KRT1: variants seen among roughly 807,000 people sequenced by gnomAD.
KRT1 encodes keratin, type II cytoskeletal 1.
In KRT1, 28 loss-of-function variants were observed where a neutral mutation model predicts 51.6. That is an observed-to-expected ratio of 0.54 (90% CI 0.40 to 0.74). The LOEUF is 0.74. KRT1 is among the 30% of genes least tolerant of loss of function. The pLI, the probability that KRT1 is intolerant of heterozygous loss-of-function variation, is 0.00. For missense variants in KRT1, 783 were observed against 815.5 expected (o/e 0.96, Z 0.49); for synonymous variants, 301 against 307.7 (o/e 0.98, Z 0.23).
chr12:52,678,227 C>T lies in KRT1; in HGVS notation c.807-4G>A, dbSNP rs1282851327. On this transcript the variant is annotated splice_region_variant and splice_polypyrimidine_tract_variant and intron_variant, in intron 2 of 8. Transcript: ENST00000252244. ...CTTGTTGATTTCATCCTCATACCTGCAGGAAAGCAGAAACAATTAGGAGAT... is the reference window on the plus strand; with the variant it reads ...CTTGTTGATTTCATCCTCATACCTGTAGGAAAGCAGAAACAATTAGGAGAT... 6.2e-7 allele frequency: 1 copy of T among 1,613,958 alleles called. No homozygotes were observed. Among genetic ancestry groups the T allele is most frequent in the African/African-American group, 1.3e-5 (1 of 75,028 alleles).
Position 52,678,175 on chromosome 12 carries a change from C to A in KRT1, c.855G>T (p.Val285=). Residue 285 remains valine (V), a synonymous_variant, in exon 3 of 9, where the codon GTG becomes GTT. Transcript: ENST00000252244. ...AGAATTTGCTTACCTTCTTGATGGTCACAAATTCATTCTCTGCATTTGTCC... is the reference window on the plus strand; with the variant it reads ...AGAATTTGCTTACCTTCTTGATGGTAACAAATTCATTCTCTGCATTTGTCC... ...NKRTNAENEF[V]TIKKDVDGAY... 6.2e-7 allele frequency: 1 copy of A among 1,614,104 alleles called. No individual in the cohort carries two copies. Among genetic ancestry groups the A allele is most frequent in the South Asian group, 1.1e-5 (1 of 91,056 alleles).
rs1285894552 is a variant in KRT1, at chr12:52,680,302, C to A, written c.47G>T (p.Gly16Val). 5.4e-5 allele frequency: 87 copies of A among 1,614,174 alleles called. No homozygotes were observed. Among genetic ancestry groups the A allele is most frequent in the Non-Finnish European group, 7.3e-5 (86 of 1,180,016 alleles). Residue 16 changes from glycine to valine, a missense_variant, in exon 1 of 9, where the codon GGC becomes GTC. Physicochemically the swap from Gly to Val is moderately radical, Grantham distance 109 (BLOSUM62 -3). Transcript: ENST00000252244. ...SSRSGYRSGGGFSSGSAGIIN... is the reference protein window; with the variant it reads ...SSRSGYRSGGVFSSGSAGIIN... ...GATCCCAGCAGAGCCAGAGCTGAAG[C>A]CCCCTCCACTTCGGTACCCAGACCT...
In KRT1 at chr12:52,679,759, T is replaced by C; in HGVS notation, c.590A>G (p.Lys197Arg). The change falls in exon 1 of 9, where the codon AAG becomes AGG. Residue 197 changes from lysine (K) to arginine (R), a missense_variant and splice_region_variant. Coordinates refer to ENST00000252244, the MANE Select transcript of KRT1 (RefSeq NM_006121.4). ...LNNQFASFID[K>R]VRFLEQQNQV... is the part of the protein sequence containing the mutation. ...CAGTGCAATGAGAGAGAAACTCACC[T>C]TGTCAATGAAGGAGGCAAATTGGTT... is the stretch of plus-strand genomic sequence containing the variant. The C allele has an allele frequency of 6.2e-7, 1 of 1,613,994 alleles. No homozygotes were observed. Among genetic ancestry groups the C allele is most frequent in the Non-Finnish European group, 8.5e-7 (1 of 1,179,852 alleles).
intron 7 of KRT1, 150 bp from the exon 8 acceptor site, chr12:52,675,894 C>T (rs1345800916): frequency 5.5e-6 from 5 of 916,138 alleles, no homozygotes; most frequent in African/African-American, 3.3e-5. Context: ...TCTGGCCTCC[C>T]AGACCTGTCA....
chr12:52,680,062 C>G lies in KRT1; in HGVS notation c.287G>C (p.Gly96Ala). The change falls in exon 1 of 9, where the codon GGT becomes GCT. Residue 96 changes from glycine (G) to alanine (A), a missense_variant. Physicochemically the swap from Gly to Ala is moderately conservative, Grantham distance 60. Transcript: ENST00000252244. ...RGSGFGGGYG[G>A]GGFGGGGFGG... ...AAAGCCACCACCACCAAAGCCACCA[C>G]CACCATAACCACCACCAAAGCCACT... 6.4e-7 allele frequency: 1 copy of G among 1,555,020 alleles called. No individual in the cohort carries two copies. The highest frequency in any genetic ancestry group is 8.7e-7 in the Non-Finnish European group (1 of 1,148,944).
intron 8 of KRT1, 25 bp downstream of exon 8, chr12:52,675,685 C>A (rs759961972): frequency 2.0e-5 from 33 of 1,614,108 alleles, no homozygotes; most frequent in Non-Finnish European, 2.6e-5. Context: ...CTGCACATGC[C>A]CCTGAGAAAT....
In KRT1 at chr12:52,678,689, G is replaced by T. The variant is rs952884616; in HGVS notation, c.659C>A (p.Thr220Asn). 2 of 1,614,210 alleles carry T rather than the reference G, an allele frequency of 1.2e-6. No individual in the cohort carries two copies. Among genetic ancestry groups the T allele is most frequent in the Non-Finnish European group, 1.7e-6 (2 of 1,180,038 alleles). ...TKWELLQQVDTSTRTHNLEPY... is the reference protein window; with the variant it reads ...TKWELLQQVDNSTRTHNLEPY... ...CTCTAAATTATGGGTTCTAGTGGAG[G>T]TATCTACCTGCTGCAGCAGCTCCCA... Residue 220 changes from threonine (T) to asparagine (N), a missense_variant, in exon 2 of 9, where the codon ACC (threonine) becomes AAC (asparagine). Physicochemically the swap from Thr to Asn is moderately conservative, Grantham distance 65. Coordinates refer to ENST00000252244, the MANE Select transcript of KRT1 (RefSeq NM_006121.4).
In KRT1 at chr12:52,677,146, A is replaced by C; in HGVS notation, c.1167T>G (p.Asp389Glu). 6.2e-7 allele frequency: 1 copy of C among 1,614,176 alleles called. No homozygotes were observed. Among genetic ancestry groups the C allele is most frequent in the African/African-American group, 1.3e-5 (1 of 75,052 alleles). Residue 389 changes from aspartate to glutamate, a missense_variant, in exon 6 of 9, where the codon GAT becomes GAG. Physicochemically the swap from Asp to Glu is conservative, Grantham distance 45. Coordinates refer to ENST00000252244, the MANE Select transcript of KRT1 (RefSeq NM_006121.4). ...TTTCTATCTTTGAATTTCTCACACT[A>C]TCCCCATGTCTGCCAGCAGTGATCT... ...ELQITAGRHG[D>E]SVRNSKIEIS...
intron 6 of KRT1, 49 bp from the exon 7 acceptor site, chr12:52,676,544 C>G (rs1162985634): frequency 6.3e-7 from 1 of 1,583,326 alleles, no homozygotes; most frequent in East Asian, 2.2e-5. Flanking sequence ...CCCACTAGGC[C>G]TCCTCATCCC....
intron 6 of KRT1, 41 bp from the exon 7 acceptor site, chr12:52,676,536 C>T (rs762826607): frequency 1.3e-6 from 2 of 1,596,450 alleles, no homozygotes; most frequent in Admixed American, 3.4e-5. Context: ...ATGCATTCCC[C>T]ACTAGGCCTC....
intron 3 of KRT1, 117 bp from the exon 4 acceptor site, chr12:52,677,862 T>G (rs1249988091): frequency 1.1e-6 from 1 of 890,408 alleles, no homozygotes; most frequent in African/African-American, 1.6e-5. Flanking sequence ...CACTCCTTTT[T>G]GCCCCAGGTA....
Position 52,675,315 on chromosome 12 carries a change from C to A in KRT1, c.1813G>T (p.Gly605Cys). 6.2e-7 allele frequency: 1 copy of A among 1,612,542 alleles called. No individual in the cohort carries two copies. The highest frequency in any genetic ancestry group is 8.5e-7 in the Non-Finnish European group (1 of 1,179,774). Residue 605 changes from glycine (G) to cysteine (C), a missense_variant, in exon 9 of 9, where the codon GGC becomes TGC. Gly to Cys is a radical substitution (Grantham distance 159). Transcript: ENST00000252244. Reference sequence around the variant, plus strand: ...ATGGAGCCTCCAGAGCTCCCGCCGCCAGAGCCCCGGCCGCCAGAGCTGCCG... The same window carrying A: ...ATGGAGCCTCCAGAGCTCCCGCCGCAAGAGCCCCGGCCGCCAGAGCTGCCG... ...GGGSSGGRGS[G>C]GGSSGGSIGG...
rs746754557 is a variant in KRT1, at chr12:52,675,479, C to T, written c.1649G>A (p.Gly550Asp). The change falls in exon 9 of 9, where the codon GGC becomes GAC. Residue 550 changes from glycine to aspartate, a missense_variant. Transcript: ENST00000252244. Reference sequence around the variant, plus strand: ...GCTGCTACCTCCGGAGCCATAGCTGCCACGGCCGCCGCCGCCGCCACCTCC... The same window carrying T: ...GCTGCTACCTCCGGAGCCATAGCTGTCACGGCCGCCGCCGCCGCCACCTCC... ...GSGGGGGGGR[G>D]SYGSGGSSYG... 8 of 1,475,982 alleles carry T rather than the reference C, an allele frequency of 5.4e-6. No homozygotes were observed. Among genetic ancestry groups the T allele is most frequent in the Non-Finnish European group, 7.4e-6 (8 of 1,084,416 alleles). The allele number at this position is 1,475,982 out of a possible 1,614,324, so 91.4% of individuals were successfully genotyped here. A position where few individuals can be genotyped will look rare whatever the true frequency, so the allele number is the denominator to read the frequency against.
rs748112160 is a variant in KRT1, at chr12:52,675,468, A to G, written c.1660T>C (p.Ser554Pro). 2.0e-5 allele frequency: 25 copies of G among 1,270,648 alleles called. No individual in the cohort carries two copies. The highest frequency in any genetic ancestry group is 2.6e-5 in the Non-Finnish European group (24 of 938,140). The allele number at this position is 1,270,648 out of a possible 1,614,324, so 78.7% of individuals were successfully genotyped here. A position where few individuals can be genotyped will look rare whatever the true frequency, so the allele number is the denominator to read the frequency against. ...GGGGGRGSYGSGGSSYGSGGG... is the reference protein window; with the variant it reads ...GGGGGRGSYGPGGSSYGSGGG... ...CCGGAGCCGTAGCTGCTACCTCCGGAGCCATAGCTGCCACGGCCGCCGCCG... is the reference window on the plus strand; with the variant it reads ...CCGGAGCCGTAGCTGCTACCTCCGGGGCCATAGCTGCCACGGCCGCCGCCG... Residue 554 changes from serine (S) to proline (P), a missense_variant, in exon 9 of 9, where the codon TCC (serine) becomes CCC (proline). By Grantham distance (74) the Ser-to-Pro change is moderately conservative (BLOSUM62 -1). Coordinates refer to ENST00000252244, the MANE Select transcript of KRT1 (RefSeq NM_006121.4).
intron 1 of KRT1, 28 bp from the exon 2 acceptor site, chr12:52,678,784 G>A: frequency 6.3e-7 from 1 of 1,584,802 alleles, no homozygotes; most frequent in Admixed American, 1.7e-5. Context: ...CTTTACTCCT[G>A]ATGCATAAAT....
intron 1 of KRT1, 102 bp downstream of exon 1, chr12:52,679,656 T>C (rs1021221573): frequency 7.8e-6 from 8 of 1,029,164 alleles, no homozygotes; most frequent in African/African-American, 6.4e-5. Flanking sequence ...CTTTTAATCA[T>C]GTAAACATGG....
intron 8 of KRT1, 40 bp from the exon 9 acceptor site, chr12:52,675,657 T>C (rs773287323): frequency 1.2e-6 from 2 of 1,614,192 alleles, no homozygotes; most frequent in South Asian, 2.2e-5. Flanking sequence ...CTCAACTCCG[T>C]TTCCAGCCCA....
At chr12:52,678,018 T>A in intron 3 of KRT1, 145 bp downstream of exon 3, 6 of 798,254 alleles carry the variant, frequency 7.5e-6, no homozygotes, top group South Asian at 2.9e-5. Flanking sequence ...AGGTCCATGA[T>A]GATGTGAAAA....
rs771011268 is a variant in KRT1 at position 52,675,028 on chromosome 12, G to C, written c.*165C>G. On this transcript the variant is annotated 3_prime_UTR_variant, in exon 9 of 9. Coordinates refer to ENST00000252244, the MANE Select transcript of KRT1 (RefSeq NM_006121.4). ...TTGCCACTGATCTGAAAACTTCATT[G>C]GGAAACAGCAGAAAAGAAAGAGCTG... 1.0e-6 allele frequency: 1 copy of C among 973,262 alleles called. No homozygotes were observed. Among genetic ancestry groups the C allele is most frequent in the Admixed American group, 1.7e-5 (1 of 57,936 alleles). 60.3% of individuals were successfully genotyped at this position (973,262 alleles called of 1,614,324 possible).
Sources: gnomAD v4.1 joint callset for allele counts on GRCh38, gnomAD v4.1.1 for gene constraint, MANE v1.5 for transcripts, NCBI Gene and HGNC (gene_info 2026-07-23, HGNC 2026-07-21) for gene names.